Variants in FANCI observed in about 807,000 individuals in gnomAD.
The protein encoded by FANCI is FA complementation group I.
In FANCI, 156 loss-of-function variants were observed where a neutral mutation model predicts 176.1. The observed-to-expected ratio is 0.89, with a 90% CI of 0.78 to 1.01. The LOEUF (loss-of-function observed/expected upper bound fraction) is 1.01. Among genes scored for constraint, FANCI ranks in the 50% least tolerant of loss-of-function variants. FANCI has a pLI of 0.00. For missense variants in FANCI, 1,678 were observed against 1,534.1 expected (o/e 1.09, Z -1.57); for synonymous variants, 613 against 541.7 (o/e 1.13, Z -1.83).
At chr15:89,287,965 T>A (rs1349245042) in intron 18 of FANCI, among the ~76,000 whole-genome samples, 2 of 152,154 alleles carry the variant, frequency 1.3e-5, no homozygotes, top group Non-Finnish European at 2.9e-5. Flanking sequence ...AGAGAAAGTT[T>A]GAAATATTAT....
At chr15:89,286,702 G>C (rs548585622) in intron 18 of FANCI, among the ~76,000 whole-genome samples, 61 of 152,200 alleles carry the variant, frequency 4.0e-4, no homozygotes, top group Non-Finnish European at 7.5e-4. Flanking sequence ...AAGGGCCCTA[G>C]GATTTTTGGA....
chr15:89,313,228 C>T (rs2055039658), intron 35 of FANCI, among the ~76,000 whole-genome samples: 1 of 151,800 alleles, frequency 6.6e-6, no homozygotes, highest in Non-Finnish European at 1.5e-5. Flanking sequence ...TTAGAATTGA[C>T]TGTGATGATG....
At chr15:89,294,184 G>A (rs1213987015) in intron 23 of FANCI, among the ~76,000 whole-genome samples, 187 bp downstream of exon 23, 2 of 152,168 alleles carry the variant, frequency 1.3e-5, no homozygotes, top group African/African-American at 4.8e-5. Flanking sequence ...AATTATTAAA[G>A]GACAAATGAG....
At chr15:89,284,090 G>A (rs1194663376) in intron 17 of FANCI, among the ~76,000 whole-genome samples, 1 of 152,046 alleles carries the variant, frequency 6.6e-6, no homozygotes, top group Non-Finnish European at 1.5e-5. Context: ...ATAGCACGGT[G>A]CTAGATATTG....
intron 20 of FANCI, among the ~76,000 whole-genome samples, chr15:89,292,026 C>T (rs2054088239): frequency 6.6e-6 from 1 of 152,160 alleles, no homozygotes; most frequent in Non-Finnish European, 1.5e-5. Context: ...ATGATGTCAC[C>T]TACGAACAGA....
chr15:89,298,772 T>A (rs956682041), intron 24 of FANCI, among the ~76,000 whole-genome samples: 1 of 152,248 alleles, frequency 6.6e-6, no homozygotes, highest in African/African-American at 2.4e-5. Context: ...ACATCACTAC[T>A]GATCCTACAG....
intron 13 of FANCI, among the ~76,000 whole-genome samples, chr15:89,278,167 A>G (rs2053477859): frequency 6.6e-6 from 1 of 152,232 alleles, no homozygotes; most frequent in African/African-American, 2.4e-5. Flanking sequence ...GTCTGAACGA[A>G]TTAGTCTGTA....
chr15:89,259,585 A>G (rs2052632021), intron 3 of FANCI, among the ~76,000 whole-genome samples: 1 of 152,154 alleles, frequency 6.6e-6, no homozygotes, highest in African/African-American at 2.4e-5. Flanking sequence ...CATTACCACA[A>G]TTGATTTTAA....
chr15:89,315,536 G>A, intron 37 of FANCI, 147 bp downstream of exon 37: 3 of 685,632 alleles, frequency 4.4e-6, no homozygotes, highest in East Asian at 2.8e-5. Flanking sequence ...AGGACTCTCA[G>A]AAGGGTTGTA....
At chr15:89,282,555 G>A (rs1245958361) in intron 16 of FANCI, 1 of 172,956 alleles carries the variant, frequency 5.8e-6, no homozygotes, top group East Asian at 1.4e-4. Context: ...ATTCATGGGT[G>A]TCCAGAGGAA....
In FANCI at chr15:89,315,314, C is replaced by T. The variant is rs1338365424; in HGVS notation, c.3849C>T (p.Thr1283=). 4 of 1,613,936 alleles carry T rather than the reference C, an allele frequency of 2.5e-6. No individual in the cohort carries two copies. The highest frequency in any genetic ancestry group is 2.2e-5 in the East Asian group (1 of 44,890). Reference sequence around the variant, plus strand: ...TGATGCAGCACATGAAGCTCAGCACCTCACGAGACTTCAAGATCAAAGGAA... The same window carrying T: ...TGATGCAGCACATGAAGCTCAGCACTTCACGAGACTTCAAGATCAAAGGAA... The part of the protein sequence containing the change: ...VNLMQHMKLS[T]SRDFKIKGNI... The change falls in exon 37 of 38, where the codon ACC becomes ACT. Residue 1283 remains threonine, a synonymous_variant. Coordinates refer to ENST00000310775, the MANE Select transcript of FANCI (RefSeq NM_001113378.2).
rs755938082 is a variant in FANCI, at chr15:89,299,784, CTT to C, written c.2637-14_2637-13del. 6.2e-7 allele frequency: 1 copy of C among 1,612,088 alleles called. No homozygotes were observed. Among genetic ancestry groups the C allele is most frequent in the South Asian group, 1.1e-5 (1 of 90,798 alleles). ...GAACCTGTCTTTAAAAACAATACCACTTTCTCCTGCTTCAGAGTCTTGCTATG... is the reference window on the plus strand; with the variant it reads ...GAACCTGTCTTTAAAAACAATACCACTCTCCTGCTTCAGAGTCTTGCTATG... On this transcript the variant is annotated splice_polypyrimidine_tract_variant and intron_variant, in intron 24 of 37. Coordinates refer to ENST00000310775, the MANE Select transcript of FANCI (RefSeq NM_001113378.2).
At position 89,301,363 on chromosome 15, in the gene FANCI, A is replaced by G; in HGVS notation, c.2927A>G (p.Asp976Gly). The G allele has an allele frequency of 6.2e-7, 1 of 1,614,074 alleles. No homozygotes were observed. The highest frequency in any genetic ancestry group is 8.5e-7 in the Non-Finnish European group (1 of 1,179,980). Residue 976 changes from aspartate (D) to glycine (G), a missense_variant, in exon 27 of 38, where the codon GAT becomes GGT. Transcript: ENST00000310775. ...AATTTACTTAGCAGTCAAGAGGAAG[A>G]TTTTAATAGCAAAGAAGCCCTCCTG... is the stretch of plus-strand genomic sequence containing the variant. Reference protein sequence around the residue: ...LLNLLSSQEEDFNSKEALLLV... With the variant: ...LLNLLSSQEEGFNSKEALLLV...
At chr15:89,266,162 ACT>A (rs1491384868) in intron 9 of FANCI, among the ~76,000 whole-genome samples, 17 of 125,704 alleles carry the variant, frequency 1.4e-4, no homozygotes, top group African/African-American at 5.4e-4. Flanking sequence ...AAGCCTGGCT[ACT>A]GTTTTTTTTT....
In FANCI at chr15:89,295,647, C is replaced by T. The variant is rs574533539; in HGVS notation, c.2636+553C>T. The stretch of plus-strand genomic sequence containing the variant: ...TGCCATTGCACTCTAGCCTGGGCAA[C>T]AAGAGCGAAACTCCATCTTAAAAGA... On this transcript the variant is annotated intron_variant, in intron 24 of 37. Transcript: ENST00000310775. Among the ~76,000 whole-genome samples, 4 of 150,520 alleles carry T rather than the reference C, an allele frequency of 2.7e-5. No individual in the cohort carries two copies. In the East Asian group the frequency reaches 5.9e-4, roughly 22 times the overall value.
In FANCI at chr15:89,257,649, T is replaced by A. The variant is rs1287738138; in HGVS notation, c.85-1055T>A. Among the ~76,000 whole-genome samples the A allele has an allele frequency of 3.3e-5, 5 of 152,274 alleles. No homozygotes were observed. In the South Asian group the frequency reaches 8.3e-4, roughly 25 times the overall value. ...GACCCATCCTAATGACCTCAACTAA[T>A]CTCACCTACAAGAAGAGCCCAATTT... On this transcript the variant is annotated intron_variant, in intron 2 of 37. Transcript: ENST00000310775.
intron 34 of FANCI, among the ~76,000 whole-genome samples, chr15:89,312,230 TA>T (rs776826623): frequency 8.5e-5 from 13 of 152,130 alleles, no homozygotes; most frequent in Non-Finnish European, 1.5e-4. Flanking sequence ...GCCCACTGGC[TA>T]AAATAGAAAT....
intron 10 of FANCI, among the ~76,000 whole-genome samples, chr15:89,271,099 T>G (rs1158477940): frequency 6.6e-6 from 1 of 152,236 alleles, no homozygotes; most frequent in Non-Finnish European, 1.5e-5. Context: ...ATTTTACATT[T>G]TTTTTGTTTT....
rs185771112 is a variant in FANCI at position 89,312,957 on chromosome 15, C to T, written c.3705C>T (p.Ala1235=). 1.3e-4 allele frequency: 203 copies of T among 1,613,850 alleles called. 1 individual carries two copies. The East Asian group carries it at 2.9e-3, about 23-fold the overall frequency. Reference sequence around the variant, plus strand: ...GAGAGAAAAAGGAGAAACCTGCTGCCGTTGCCACAGCCATGGTAAGCTGCT... The same window carrying T: ...GAGAGAAAAAGGAGAAACCTGCTGCTGTTGCCACAGCCATGGTAAGCTGCT... The part of the protein sequence containing the change: ...YTGEKKEKPA[A]VATAMARVLR... Residue 1235 remains alanine (A), a synonymous_variant, in exon 35 of 38, where the codon GCC becomes GCT. Transcript: ENST00000310775.
Sources: allele counts gnomAD v4.1 joint callset (sites outside exome capture counted in the v4.1 genomes callset), GRCh38; gene constraint gnomAD v4.1.1; transcripts MANE v1.5; gene names NCBI Gene and HGNC (gene_info 2026-07-23, HGNC 2026-07-21).